The following TMCO5A variants were observed in gnomAD, a reference collection of about 807,000 sequenced individuals.
The protein encoded by TMCO5A is transmembrane and coiled-coil domain-containing protein 5A.
A neutral mutation model predicts 42.3 loss-of-function variants in TMCO5A; 34 were observed. The observed-to-expected ratio is 0.80, with a 90% CI of 0.61 to 1.07. The LOEUF (loss-of-function observed/expected upper bound fraction) is 1.07. Among genes scored for constraint, TMCO5A ranks in the 50% least tolerant of loss-of-function variants. The pLI is 0.00. For synonymous variants in TMCO5A, 131 were observed against 115.6 expected, an observed-to-expected ratio of 1.13 and a Z score of -0.86; for missense variants, 357 against 327.9, an observed-to-expected ratio of 1.09 and a Z score of -0.69.
chr15:37,955,083 A>T (rs369903367), downstream of TMCO5A, among the ~76,000 whole-genome samples: 1 of 151,970 alleles, frequency 6.6e-6, no homozygotes, highest in African/African-American at 2.4e-5. Context: ...GGCAGAAGTA[A>T]TTTTTTACTT....
downstream of TMCO5A, among the ~76,000 whole-genome samples, chr15:37,952,887 T>C (rs1890193989): frequency 6.6e-6 from 1 of 152,182 alleles, no homozygotes; most frequent in South Asian, 2.1e-4. Flanking sequence ...CTGAAGAGCC[T>C]TGGGGCCTTC....
downstream of TMCO5A, among the ~76,000 whole-genome samples, chr15:37,952,791 A>G (rs953781604): frequency 4.6e-5 from 7 of 152,224 alleles, no homozygotes; most frequent in Non-Finnish European, 4.4e-5. Flanking sequence ...CTCTTGGAAT[A>G]CATTTCTGGA....
At chr15:37,995,894 C>T in the TMCO5A span, among the ~76,000 whole-genome samples, 7 of 151,824 alleles carry the variant, frequency 4.6e-5, no homozygotes, top group Non-Finnish European at 7.4e-5. Flanking sequence ...TTTATCCACA[C>T]GATGGTGCTA....
the TMCO5A span, among the ~76,000 whole-genome samples, chr15:37,976,076 T>C: frequency 4.6e-5 from 7 of 151,338 alleles, no homozygotes; most frequent in South Asian, 1.0e-3. Flanking sequence ...AAACCCTGTG[T>C]CTACCAATAA....
intron 11 of TMCO5A, among the ~76,000 whole-genome samples, chr15:37,961,824 C>G (rs10468089): frequency 0.23 from 34,290 of 151,520 alleles, 4,108 homozygotes; most frequent in Admixed American, 0.3. Context: ...TTCTTGATTT[C>G]ATTCTCCACT....
chr15:38,035,520 G>A, the TMCO5A span, among the ~76,000 whole-genome samples: 2 of 152,176 alleles, frequency 1.3e-5, no homozygotes, highest in African/African-American at 4.8e-5. Context: ...ATTCTAGGGA[G>A]CAGAACTGCA....
At chr15:37,964,008 AT>A (rs544233758) in intron 11 of TMCO5A, among the ~76,000 whole-genome samples, 72 of 151,620 alleles carry the variant, frequency 4.7e-4, no homozygotes, top group African/African-American at 1.6e-3. Context: ...TAAATCAGAG[AT>A]TTTTTTTCTT....
chr15:37,953,043 C>T (rs986505021), downstream of TMCO5A, among the ~76,000 whole-genome samples: 1 of 152,146 alleles, frequency 6.6e-6, no homozygotes, highest in Non-Finnish European at 1.5e-5. Flanking sequence ...ACCTTATCTG[C>T]AGTACAGTAC....
the TMCO5A span, among the ~76,000 whole-genome samples, chr15:38,026,520 A>G: frequency 6.6e-6 from 1 of 152,228 alleles, no homozygotes; most frequent in African/African-American, 2.4e-5. Context: ...GAAGCAGAGC[A>G]TGAAAGTTTG....
chr15:38,030,081 T>C, the TMCO5A span, among the ~76,000 whole-genome samples: 1 of 152,140 alleles, frequency 6.6e-6, no homozygotes, highest in Non-Finnish European at 1.5e-5. Context: ...CCAGCCTCCA[T>C]GGTAAGGAGT....
chr15:37,989,199 A>G, the TMCO5A span, among the ~76,000 whole-genome samples: 2 of 151,636 alleles, frequency 1.3e-5, no homozygotes, highest in African/African-American at 4.8e-5. Context: ...GATTTTAGTA[A>G]TTTGAGTCTT....
At chr15:37,982,496 A>G in the TMCO5A span, among the ~76,000 whole-genome samples, 5 of 145,044 alleles carry the variant, frequency 3.4e-5, no homozygotes, top group African/African-American at 1.3e-4. Flanking sequence ...TATATTATCT[A>G]TATATAATAG....
At chr15:37,982,927 T>C in the TMCO5A span, among the ~76,000 whole-genome samples, 1 of 151,792 alleles carries the variant, frequency 6.6e-6, no homozygotes, top group Non-Finnish European at 1.5e-5. Flanking sequence ...GGACATGTTT[T>C]ATTTTTTCTA....
At chr15:37,981,484 C>T in the TMCO5A span, among the ~76,000 whole-genome samples, 2 of 152,056 alleles carry the variant, frequency 1.3e-5, no homozygotes, top group African/African-American at 4.8e-5. Flanking sequence ...AAACAGAGGT[C>T]TTAAAGGCAA....
the TMCO5A span, among the ~76,000 whole-genome samples, chr15:37,985,363 C>G: frequency 6.6e-6 from 1 of 152,084 alleles, no homozygotes; most frequent in African/African-American, 2.4e-5. Flanking sequence ...TTATTGGATT[C>G]CATGCTCTGC....
At chr15:38,035,847 C>T in the TMCO5A span, among the ~76,000 whole-genome samples, 1 of 152,056 alleles carries the variant, frequency 6.6e-6, no homozygotes, top group Admixed American at 6.5e-5. Context: ...TGAAGCTGCC[C>T]TAGAATGGTT....
the TMCO5A span, among the ~76,000 whole-genome samples, chr15:38,023,064 G>C: frequency 3.2e-3 from 486 of 152,192 alleles, 4 homozygotes; most frequent in South Asian, 0.015. Context: ...TTTGAAACTT[G>C]AGTCTAAAGA....
At chr15:38,020,146 AT>A in the TMCO5A span, 1 of 151,984 alleles carries the variant, frequency 6.6e-6, no homozygotes, top group African/African-American at 2.4e-5. Flanking sequence ...ATGCACCACC[AT>A]ACTTGGCTAA....
the TMCO5A span, among the ~76,000 whole-genome samples, chr15:38,017,303 T>A: frequency 2.0e-5 from 3 of 151,930 alleles, no homozygotes; most frequent in African/African-American, 7.3e-5. Flanking sequence ...GAGTGCATAG[T>A]TTGGTTTCCT....
Sources: allele counts gnomAD v4.1 joint callset (sites outside exome capture counted in the v4.1 genomes callset), GRCh38; gene constraint gnomAD v4.1.1; transcripts MANE v1.5; gene names NCBI Gene and HGNC (gene_info 2026-07-23, HGNC 2026-07-21).